NPSR1: variants seen among roughly 807,000 people sequenced by gnomAD.
NPSR1 encodes the protein neuropeptide S receptor 1.
Under a neutral mutation model 46.9 loss-of-function variants are expected in NPSR1, and 48 were observed. That is an observed-to-expected ratio of 1.02 (90% CI 0.81 to 1.30). The LOEUF (loss-of-function observed/expected upper bound fraction) is 1.30, where lower values mean the gene tolerates loss of function less well. Among genes scored for constraint, NPSR1 ranks in the 50% most tolerant of loss-of-function variants. The pLI, the probability that NPSR1 is intolerant of heterozygous loss-of-function variation, is 0.00. For missense variants in NPSR1, 450 were observed against 449.5 expected, an observed-to-expected ratio of 1.00 and a Z score of -0.01; for synonymous variants, 176 against 168.1, an observed-to-expected ratio of 1.05 and a Z score of -0.36.
chr7:34,851,060 C>CAT (rs1169974660), downstream of NPSR1, among the ~76,000 whole-genome samples: 1 of 152,142 alleles, frequency 6.6e-6, no homozygotes, highest in African/African-American at 2.4e-5. Flanking sequence ...TTCATTTGAT[C>CAT]ATATATACAT....
At chr7:34,847,167 C>G (rs1156472178) in intron 7 of NPSR1, among the ~76,000 whole-genome samples, 1 of 152,086 alleles carries the variant, frequency 6.6e-6, no homozygotes, top group Non-Finnish European at 1.5e-5. Context: ...GTTTATCATT[C>G]CAAAATTCCC....
At chr7:34,834,585 G>A (rs1322444611) in intron 6 of NPSR1, 125 bp downstream of exon 6, 14 of 725,972 alleles carry the variant, frequency 1.9e-5, no homozygotes, top group South Asian at 4.9e-5. Context: ...GGACCCAGCC[G>A]GCAGACCAGA....
intron 7 of NPSR1, chr7:34,845,642 T>C (rs1281503749): frequency 4.4e-6 from 2 of 455,086 alleles, no homozygotes; most frequent in Non-Finnish European, 8.8e-6. Flanking sequence ...TTATTTTTCT[T>C]CTTGGTTCTA....
At chr7:34,836,343 A>G (rs1041101675) in intron 6 of NPSR1, among the ~76,000 whole-genome samples, 1 of 152,198 alleles carries the variant, frequency 6.6e-6, no homozygotes, top group Non-Finnish European at 1.5e-5. Context: ...TATAATTATA[A>G]TACTAAAATC....
rs1032022852 is a variant in NPSR1 at position 34,709,716 on chromosome 7, T to C, written c.280+25032T>C. 3.3e-5 allele frequency among the ~76,000 whole-genome samples: 5 copies of C among 152,232 alleles called. 1 individual carries two copies. The highest frequency in any genetic ancestry group is 6.5e-5 in the Admixed American group (1 of 15,280). ...CACTATAAGACAGGGATCTTTGTTTTATTCTCCAAGAACTTAGAACAGTAG... is the reference window on the plus strand; with the variant it reads ...CACTATAAGACAGGGATCTTTGTTTCATTCTCCAAGAACTTAGAACAGTAG... On this transcript the variant is annotated intron_variant, in intron 2 of 8. Transcript: ENST00000360581.
At chr7:34,762,290 A>G (rs761285442) in intron 2 of NPSR1, among the ~76,000 whole-genome samples, 1 of 152,192 alleles carries the variant, frequency 6.6e-6, no homozygotes, top group Non-Finnish European at 1.5e-5. Context: ...CCCCAGGATT[A>G]ATAAAGAGCC....
intron 1 of NPSR1, among the ~76,000 whole-genome samples, chr7:34,675,654 A>G (rs544346038): frequency 3.0e-4 from 45 of 152,318 alleles, no homozygotes; most frequent in African/African-American, 1.1e-3. Flanking sequence ...CTCTGGAAGC[A>G]TGGCTCATGG....
intron 1 of NPSR1, among the ~76,000 whole-genome samples, chr7:34,663,386 C>T (rs890071548): frequency 3.3e-5 from 5 of 152,122 alleles, no homozygotes; most frequent in Admixed American, 6.5e-5. Context: ...CTGCTACCAA[C>T]TTTGGGCTGC....
chr7:34,822,012 C>T (rs1789581804), intron 4 of NPSR1, among the ~76,000 whole-genome samples: 1 of 152,142 alleles, frequency 6.6e-6, no homozygotes, highest in Non-Finnish European at 1.5e-5. Context: ...CATCCAAATA[C>T]CAGAAACTTC....
At chr7:34,731,110 T>A (rs1784396584) in intron 2 of NPSR1, among the ~76,000 whole-genome samples, 1 of 152,208 alleles carries the variant, frequency 6.6e-6, no homozygotes, top group South Asian at 2.1e-4. Context: ...TTACAAAATT[T>A]AAATTGTAAA....
chr7:34,660,334 T>C (rs1302648283), intron 1 of NPSR1, among the ~76,000 whole-genome samples: 2 of 152,354 alleles, frequency 1.3e-5, no homozygotes, highest in East Asian at 3.9e-4. Context: ...CAGTGATTAC[T>C]GGTGGTATTT....
chr7:34,850,221 T>G (rs1027541506), downstream of NPSR1, among the ~76,000 whole-genome samples: 9 of 152,182 alleles, frequency 5.9e-5, no homozygotes, highest in Non-Finnish European at 1.0e-4. Context: ...AGCAGCCAAG[T>G]GCATCTCCTA....
intron 2 of NPSR1, among the ~76,000 whole-genome samples, chr7:34,725,691 A>G (rs556756140): frequency 7.9e-5 from 12 of 152,340 alleles, no homozygotes; most frequent in Admixed American, 7.8e-4. Flanking sequence ...AAGAAAGTGG[A>G]TCAAGAGAAT....
At chr7:34,659,955 G>C (rs34876761) in intron 1 of NPSR1, among the ~76,000 whole-genome samples, 5,652 of 152,198 alleles carry the variant, frequency 0.037, 165 homozygotes, top group Non-Finnish European at 0.055. Flanking sequence ...CATTGCAAAG[G>C]GAATAAAATC....
At chr7:34,814,397 ACTGGGTGGAGCC>A (rs1447492668) in intron 4 of NPSR1, among the ~76,000 whole-genome samples, 1 of 152,218 alleles carries the variant, frequency 6.6e-6, no homozygotes, top group African/African-American at 2.4e-5. Context: ...GGCAGCTCAA[ACTGGGTGGAGCC>A]CACTGCAGCT....
intron 5 of NPSR1, among the ~76,000 whole-genome samples, chr7:34,831,540 T>G (rs1790118633): frequency 6.6e-6 from 1 of 151,928 alleles, no homozygotes; most frequent in African/African-American, 2.4e-5. Context: ...CAAACTCTCA[T>G]GAGAGCTGCG....
At chr7:34,714,518 C>T (rs760553225) in intron 2 of NPSR1, among the ~76,000 whole-genome samples, 9 of 152,090 alleles carry the variant, frequency 5.9e-5, no homozygotes, top group Non-Finnish European at 1.2e-4. Context: ...CAGAAGTGAC[C>T]GTAAAACTCT....
At chr7:34,725,658 G>A (rs959943115) in intron 2 of NPSR1, among the ~76,000 whole-genome samples, 1 of 152,142 alleles carries the variant, frequency 6.6e-6, no homozygotes, top group Non-Finnish European at 1.5e-5. Context: ...CATACCAGCT[G>A]TTTTCACCAG....
At chr7:34,821,094 AT>A (rs941551428) in intron 4 of NPSR1, among the ~76,000 whole-genome samples, 1 of 65,886 alleles carries the variant, frequency 1.5e-5, no homozygotes, top group Non-Finnish European at 3.4e-5. Flanking sequence ...TTATAACTTT[AT>A]TTTTGGTTTA....
Sources: allele counts gnomAD v4.1 joint callset (sites outside exome capture counted in the v4.1 genomes callset), GRCh38; gene constraint gnomAD v4.1.1; transcripts MANE v1.5; gene names NCBI Gene and HGNC (gene_info 2026-07-23, HGNC 2026-07-21).